The following GALNT2 variants were observed in gnomAD, a reference collection of about 807,000 sequenced individuals.
GALNT2 encodes polypeptide N-acetylgalactosaminyltransferase 2.
A neutral mutation model predicts 81.4 loss-of-function variants in GALNT2; 31 were observed. The ratio of observed to expected loss-of-function variants is 0.38; its 90% CI spans 0.29 to 0.51. The LOEUF is 0.51. Among genes scored for constraint, GALNT2 ranks in the 20% least tolerant of loss-of-function variants. The pLI, the probability that GALNT2 is intolerant of heterozygous loss-of-function variation, is 0.87. For synonymous variants in GALNT2, 303 were observed against 287.4 expected (o/e 1.05, Z -0.55); for missense variants, 629 against 765.7 (o/e 0.82, Z 2.11).
At chr1:230,063,909 ATCTGATGTGGGTTGGTC>A (rs1659106247), upstream of GALNT2, among the ~76,000 whole-genome samples, 1 of 152,194 alleles carries the variant, frequency 6.6e-6, no homozygotes, top group Non-Finnish European at 1.5e-5. Context: ...AAATTGTTAT[ATCTGATGTGGGTTGGTC>A]TCAGCTGTGT....
intron 1 of GALNT2, among the ~76,000 whole-genome samples, chr1:230,156,244 A>AGTGT (rs56074247): frequency 2.7e-5 from 4 of 147,002 alleles, no homozygotes; most frequent in South Asian, 4.5e-4. Context: ...AGAGAGAGAG[A>AGTGT]GTGTGTGTGT....
chr1:230,154,729 G>A (rs1662194484), intron 1 of GALNT2, among the ~76,000 whole-genome samples: 1 of 152,162 alleles, frequency 6.6e-6, no homozygotes, highest in South Asian at 2.1e-4. Context: ...GCCTGGAACA[G>A]CATCTTCCCC....
chr1:230,111,478 C>A (rs948403759), intron 1 of GALNT2, among the ~76,000 whole-genome samples: 1 of 152,266 alleles, frequency 6.6e-6, no homozygotes, highest in African/African-American at 2.4e-5. Flanking sequence ...CAATGAGACT[C>A]TGAAAGTGTT....
intron 2 of GALNT2, among the ~76,000 whole-genome samples, chr1:230,201,874 G>A (rs1373373575): frequency 2.0e-5 from 3 of 152,054 alleles, no homozygotes; most frequent in Non-Finnish European, 4.4e-5. Flanking sequence ...ATCTTGCTAG[G>A]CCTTACCAGA....
intron 3 of GALNT2, among the ~76,000 whole-genome samples, chr1:230,207,205 C>T (rs1014618152): frequency 1.3e-5 from 2 of 151,800 alleles, no homozygotes; most frequent in African/African-American, 4.8e-5. Context: ...ATAAATCATG[C>T]AAGATATGAA....
At chr1:230,158,979 T>G (rs1662347031) in intron 1 of GALNT2, among the ~76,000 whole-genome samples, 1 of 152,216 alleles carries the variant, frequency 6.6e-6, no homozygotes, top group Non-Finnish European at 1.5e-5. Context: ...AGCAATTTAT[T>G]ATTCTTACAT....
upstream of GALNT2, chr1:230,067,196 C>G: frequency 1.2e-6 from 1 of 831,436 alleles, no homozygotes; most frequent in Non-Finnish European, 1.6e-6. Context: ...TTCCTCCGCT[C>G]CTCCCCCGGC....
intron 1 of GALNT2, among the ~76,000 whole-genome samples, chr1:230,101,401 C>T (rs189838168): frequency 2.6e-5 from 4 of 152,338 alleles, no homozygotes; most frequent in Non-Finnish European, 5.9e-5. Context: ...CTGTCGGATG[C>T]CCCCGTGTTC....
chr1:230,186,483 G>C (rs1663341348), intron 2 of GALNT2, among the ~76,000 whole-genome samples: 5 of 152,226 alleles, frequency 3.3e-5, no homozygotes, highest in Admixed American at 2.6e-4. Context: ...GAATAGAATA[G>C]TTAATATTCC....
chr1:230,159,670 T>C (rs1345659854), intron 1 of GALNT2, among the ~76,000 whole-genome samples: 2 of 152,162 alleles, frequency 1.3e-5, no homozygotes, highest in Non-Finnish European at 1.5e-5. Flanking sequence ...TGGTTCCCAC[T>C]GGGCAGGCTG....
At position 230,266,741 on chromosome 1, in the gene GALNT2, G is replaced by T. The variant is rs1666047140; in HGVS notation, c.1440+1374G>T. On this transcript the variant is annotated intron_variant, in intron 14 of 15. Coordinates refer to ENST00000366672, the MANE Select transcript of GALNT2 (RefSeq NM_004481.5). ...CATGGGCATGGGGCAGGTAGCCAGG[G>T]CCTGGCCCTGGTTCCCCTAAATCTC... Among the ~76,000 whole-genome samples the T allele has an allele frequency of 2.0e-5, 3 of 152,206 alleles. No individual in the cohort carries two copies. In the South Asian group the frequency reaches 6.2e-4, roughly 32 times the overall value.
At chr1:230,182,508 T>C (rs1190707553) in intron 2 of GALNT2, among the ~76,000 whole-genome samples, 1 of 152,228 alleles carries the variant, frequency 6.6e-6, no homozygotes, top group Admixed American at 6.5e-5. Context: ...TAGAAGTGCG[T>C]TGTTTAGTCT....
intron 1 of GALNT2, among the ~76,000 whole-genome samples, chr1:230,067,932 C>T (rs1659249864): frequency 6.6e-6 from 1 of 152,148 alleles, no homozygotes; most frequent in Non-Finnish European, 1.5e-5. Flanking sequence ...TGCCCTTTAC[C>T]TTTGGGGGGC....
chr1:230,089,876 G>A (rs979430421), intron 1 of GALNT2, among the ~76,000 whole-genome samples: 1 of 152,056 alleles, frequency 6.6e-6, no homozygotes. Context: ...ATTTCCCTTC[G>A]AGACCCTGCT....
At chr1:230,058,996 A>C (rs1006758803) in intron 1 of GALNT2, among the ~76,000 whole-genome samples, 2 of 152,212 alleles carry the variant, frequency 1.3e-5, no homozygotes, top group Non-Finnish European at 2.9e-5. Flanking sequence ...GGGCGTGCGA[A>C]CGAGTTCCCA....
In GALNT2 at chr1:230,178,241, C is replaced by G. The variant is rs1026555148; in HGVS notation, c.150C>G (p.Pro50=). Residue 50 remains proline (P), a synonymous_variant, in exon 2 of 16, where the codon CCC becomes CCG. Coordinates refer to ENST00000366672, the MANE Select transcript of GALNT2 (RefSeq NM_004481.5). ...AGGAGGACTGGAATGAAATTGACCC[C>G]ATTAAAAAGAAAGACCTTCATCACA... ...GRKEDWNEID[P]IKKKDLHHSN... The G allele has an allele frequency of 6.2e-7, 1 of 1,613,976 alleles. No homozygotes were observed. Among genetic ancestry groups the G allele is most frequent in the Non-Finnish European group, 8.5e-7 (1 of 1,179,882 alleles).
At chr1:230,062,798 T>C (rs116432220), upstream of GALNT2, among the ~76,000 whole-genome samples, 293 of 152,292 alleles carry the variant, frequency 1.9e-3, 1 homozygote, top group African/African-American at 6.8e-3. Flanking sequence ...TTGGCCACTG[T>C]AAATAACACT....
At position 230,203,425 on chromosome 1, in the gene GALNT2, C is replaced by A; in HGVS notation, c.374+135C>A. 3 of 1,066,908 alleles carry A rather than the reference C, an allele frequency of 2.8e-6. 1 individual carries two copies. The highest frequency in any genetic ancestry group is 4.1e-6 in the Non-Finnish European group (3 of 728,738). 66.1% of individuals were successfully genotyped at this position (1,066,908 alleles called of 1,614,324 possible). On this transcript the variant is annotated intron_variant, in intron 3 of 15. Coordinates refer to ENST00000366672, the MANE Select transcript of GALNT2 (RefSeq NM_004481.5). ...GTGTGTTGTAAAACTAGGAAAAATC[C>A]TGAGGTATATGGCAATGGAACTTCA...
intron 1 of GALNT2, among the ~76,000 whole-genome samples, chr1:230,105,629 G>A (rs1408330595): frequency 2.0e-5 from 3 of 152,160 alleles, no homozygotes; most frequent in African/African-American, 4.8e-5. Context: ...TGGTCAGCAC[G>A]GATGAGGTGG....
Sources: gnomAD v4.1 joint callset for allele counts (sites outside exome capture counted in the v4.1 genomes callset) on GRCh38, gnomAD v4.1.1 for gene constraint, MANE v1.5 for transcripts, NCBI Gene and HGNC (gene_info 2026-07-23, HGNC 2026-07-21) for gene names.